FAR2: variants seen among roughly 807,000 people sequenced by gnomAD.
FAR2 encodes fatty acyl-CoA reductase 2.
In FAR2, 19 loss-of-function variants were observed where a neutral mutation model predicts 56.0. The observed-to-expected ratio is 0.34, with a 90% CI of 0.24 to 0.50. The LOEUF (loss-of-function observed/expected upper bound fraction) is 0.50. FAR2 is among the 20% of genes least tolerant of loss of function. FAR2 has a pLI of 0.98. For synonymous variants in FAR2, 219 were observed against 218.8 expected, an observed-to-expected ratio of 1.00 and a Z score of -0.01; for missense variants, 508 against 642.2, an observed-to-expected ratio of 0.79 and a Z score of 2.26.
intron 2 of FAR2, among the ~76,000 whole-genome samples, chr12:29,274,616 C>A (rs772698306): frequency 2.4e-4 from 36 of 152,060 alleles, no homozygotes; most frequent in South Asian, 6.2e-4. Context: ...ACACATCCAG[C>A]TGGCCGGTTC....
At chr12:29,187,249 A>G (rs1021074903) in intron 1 of FAR2, among the ~76,000 whole-genome samples, 2 of 151,932 alleles carry the variant, frequency 1.3e-5, no homozygotes, top group African/African-American at 2.4e-5. Flanking sequence ...TCCTTCTGGC[A>G]TTCTTTCTTG....
intron 4 of FAR2, among the ~76,000 whole-genome samples, chr12:29,306,211 T>C (rs1949252462): frequency 6.6e-6 from 1 of 152,152 alleles, no homozygotes; most frequent in African/African-American, 2.4e-5. Flanking sequence ...TAAAATATCC[T>C]AGATATTTCT....
intron 1 of FAR2, among the ~76,000 whole-genome samples, chr12:29,157,375 T>C (rs1269567077): frequency 1.3e-5 from 2 of 152,062 alleles, no homozygotes; most frequent in Admixed American, 6.6e-5. Flanking sequence ...CTATGGCTTT[T>C]GGACATCTTG....
intron 4 of FAR2, among the ~76,000 whole-genome samples, chr12:29,304,968 TTGAG>T (rs1039841676): frequency 2.6e-5 from 4 of 152,156 alleles, no homozygotes; most frequent in African/African-American, 9.7e-5. Context: ...CAACCCTGAA[TTGAG>T]TGTTTAAGTC....
intron 1 of FAR2, among the ~76,000 whole-genome samples, chr12:29,198,820 A>C (rs938406254): frequency 6.6e-6 from 1 of 151,802 alleles, no homozygotes; most frequent in African/African-American, 2.4e-5. Context: ...CCCTCATCGC[A>C]CCCCCTGCCT....
At chr12:29,293,093 C>T (rs1948999255) in intron 2 of FAR2, 7 of 396,100 alleles carry the variant, frequency 1.8e-5, no homozygotes, top group Non-Finnish European at 3.1e-5. Flanking sequence ...TGTCGAACTC[C>T]TGGGCTCAAG....
rs1336784075 is a variant in FAR2 at position 29,334,899 on chromosome 12, T to A, written c.*1105T>A. The A allele has an allele frequency of 1.3e-5, 2 of 152,152 alleles. No homozygotes were observed. Among genetic ancestry groups the A allele is most frequent in the African/African-American group, 2.4e-5 (1 of 41,440 alleles). The allele number at this position is 152,152 out of a possible 1,614,324, so 9.4% of individuals were successfully genotyped here. On this transcript the variant is annotated 3_prime_UTR_variant, in exon 12 of 12. Transcript: ENST00000536681. ...AAATAGGTTTTGTTTTCTTAAAAAA[T>A]TTTGTGTATAATACAAACTAATGAA... is the stretch of plus-strand genomic sequence containing the variant.
intron 2 of FAR2, chr12:29,282,171 C>T (rs561791171): frequency 2.6e-5 from 4 of 152,274 alleles, no homozygotes; most frequent in East Asian, 3.9e-4. Flanking sequence ...CACCATGTTA[C>T]ATCAGCTTGC....
At chr12:29,191,593 C>A (rs1489195635) in intron 1 of FAR2, among the ~76,000 whole-genome samples, 1 of 152,186 alleles carries the variant, frequency 6.6e-6, no homozygotes, top group African/African-American at 2.4e-5. Context: ...ACAGAAACAC[C>A]TAGAGCTACT....
chr12:29,264,616 A>AAAATAAATAAAT lies in FAR2; in HGVS notation c.-38-5764_-38-5753dup, dbSNP rs148784734. Reference sequence around the variant, plus strand: ...GGGCAACATAGTGGGATCCTGTCTCAAAATAAATAAATAAATAAATAAATA... The same window carrying AAAATAAATAAAT: ...GGGCAACATAGTGGGATCCTGTCTCAAAATAAATAAATAAATAAATAAATAAATAAATAAATA... On this transcript the variant is annotated intron_variant, in intron 1 of 11. Transcript: ENST00000536681. Among the ~76,000 whole-genome samples the AAAATAAATAAAT allele has an allele frequency of 9.3e-3, 1,212 of 130,116 alleles. 6 individuals carry two copies. Among genetic ancestry groups the AAAATAAATAAAT allele is most frequent in the African/African-American group, 0.013 (445 of 33,588 alleles). The allele number at this position is 130,116 out of a possible 152,430, so 85.4% of individuals were successfully genotyped here.
chr12:29,327,423 CA>C (rs1313864834), intron 10 of FAR2, among the ~76,000 whole-genome samples: 1 of 152,000 alleles, frequency 6.6e-6, no homozygotes, highest in Non-Finnish European at 1.5e-5. Context: ...CATATGGAAC[CA>C]AAAAAGAGCC....
chr12:29,271,468 C>A (rs965916845), intron 2 of FAR2, among the ~76,000 whole-genome samples: 1 of 152,152 alleles, frequency 6.6e-6, no homozygotes, highest in Admixed American at 6.5e-5. Context: ...GTTCATAATG[C>A]ACTTTGGAAT....
chr12:29,221,874 G>A (rs1043269016), intron 1 of FAR2, among the ~76,000 whole-genome samples: 10 of 151,910 alleles, frequency 6.6e-5, no homozygotes, highest in Non-Finnish European at 1.3e-4. Flanking sequence ...TTGAGACGGA[G>A]TCTCGCTCTG....
chr12:29,325,045 A>G (rs1298330187), intron 10 of FAR2, among the ~76,000 whole-genome samples: 2 of 152,174 alleles, frequency 1.3e-5, no homozygotes, highest in African/African-American at 4.8e-5. Flanking sequence ...AAATAAAGGG[A>G]TGGAGGAAGA....
At position 29,317,017 on chromosome 12, in the gene FAR2, G is replaced by A; in HGVS notation, c.1127+5G>A. On this transcript the variant is annotated splice_donor_5th_base_variant and intron_variant, in intron 9 of 11. Coordinates refer to ENST00000536681, the MANE Select transcript of FAR2 (RefSeq NM_001271783.2). The stretch of plus-strand genomic sequence containing the variant: ...GCTCACTGGAAGGAAGCCCAGGTGA[G>A]AAGCTGAGTCAATGGCTTTGAGAGT... The A allele has an allele frequency of 6.2e-7, 1 of 1,610,998 alleles. No homozygotes were observed. Among genetic ancestry groups the A allele is most frequent in the Non-Finnish European group, 8.5e-7 (1 of 1,178,150 alleles).
chr12:29,221,226 A>T (rs1565476518), intron 1 of FAR2, among the ~76,000 whole-genome samples: 1 of 152,094 alleles, frequency 6.6e-6, no homozygotes, highest in African/African-American at 2.4e-5. Context: ...GCTAATCACC[A>T]GTTTCAGGTT....
At chr12:29,221,099 A>G (rs1299475308) in intron 1 of FAR2, among the ~76,000 whole-genome samples, 2 of 151,962 alleles carry the variant, frequency 1.3e-5, no homozygotes, top group Non-Finnish European at 2.9e-5. Flanking sequence ...ACTGGTAACA[A>G]CACTCCCTTA....
intron 1 of FAR2, among the ~76,000 whole-genome samples, chr12:29,206,285 G>A (rs1475979705): frequency 1.3e-5 from 2 of 152,082 alleles, no homozygotes; most frequent in East Asian, 3.8e-4. Flanking sequence ...TTCGAGATTT[G>A]GTACCAGGAG....
At chr12:29,202,412 C>G (rs980544981) in intron 1 of FAR2, among the ~76,000 whole-genome samples, 6 of 152,196 alleles carry the variant, frequency 3.9e-5, no homozygotes, top group African/African-American at 1.2e-4. Context: ...ATTTATTTAA[C>G]AGATCAACAT....
Sources: allele counts gnomAD v4.1 joint callset (sites outside exome capture counted in the v4.1 genomes callset), GRCh38; gene constraint gnomAD v4.1.1; transcripts MANE v1.5; gene names NCBI Gene and HGNC (gene_info 2026-07-23, HGNC 2026-07-21).